EPB41: variants seen among roughly 807,000 people sequenced by gnomAD.
EPB41 encodes the protein protein 4.1.
A neutral mutation model predicts 108.0 loss-of-function variants in EPB41; 65 were observed. The observed-to-expected ratio is 0.60, with a 90% confidence interval of 0.49 to 0.74. The LOEUF is 0.74. EPB41 is among the 30% of genes least tolerant of loss of function. EPB41 has a pLI of 0.00. For synonymous variants in EPB41, 336 were observed against 358.9 expected, an observed-to-expected ratio of 0.94 and a Z score of 0.72; for missense variants, 875 against 1,037.0, an observed-to-expected ratio of 0.84 and a Z score of 2.15.
chr1:29,082,709 G>T (rs1657226845), intron 16 of EPB41, among the ~76,000 whole-genome samples: 1 of 152,134 alleles, frequency 6.6e-6, no homozygotes, highest in Admixed American at 6.5e-5. Flanking sequence ...GACCTCTGTA[G>T]ATCTATTCAG....
intron 16 of EPB41, chr1:29,070,132 G>T (rs1650618993): frequency 5.6e-6 from 2 of 357,314 alleles, no homozygotes; most frequent in Admixed American, 9.3e-5. Flanking sequence ...GTGATTCCTT[G>T]AACTTTCCGT....
At chr1:29,096,122 T>G in intron 16 of EPB41, 1 of 982,922 alleles carries the variant, frequency 1.0e-6, no homozygotes, top group Non-Finnish European at 1.2e-6. Flanking sequence ...ATACCTAATC[T>G]TCTTGCTTTT....
chr1:28,915,151 T>G (rs2092525942), intron 1 of EPB41, among the ~76,000 whole-genome samples: 1 of 152,130 alleles, frequency 6.6e-6, no homozygotes, highest in African/African-American at 2.4e-5. Flanking sequence ...GTGAAGGTGT[T>G]GCGTGCAGCC....
chr1:29,108,028 CAAA>C (rs1174568864), intron 17 of EPB41, among the ~76,000 whole-genome samples: 3 of 44,348 alleles, frequency 6.8e-5, no homozygotes, highest in Admixed American at 2.4e-4. Flanking sequence ...GACTCCATCT[CAAA>C]AAAAAAAAAA....
chr1:28,927,697 G>T (rs763023808), intron 1 of EPB41, among the ~76,000 whole-genome samples: 14 of 151,624 alleles, frequency 9.2e-5, no homozygotes, highest in African/African-American at 9.7e-5. Flanking sequence ...CCTCTTAAAT[G>T]ATTCTCTGGC....
chr1:29,007,743 A>G (rs910054890), intron 4 of EPB41, among the ~76,000 whole-genome samples: 1 of 152,038 alleles, frequency 6.6e-6, no homozygotes, highest in Admixed American at 6.6e-5. Context: ...TCTCACCACT[A>G]TAGTCTCTTC....
chr1:28,925,228 G>A (rs531906475), intron 1 of EPB41, among the ~76,000 whole-genome samples: 2 of 152,240 alleles, frequency 1.3e-5, no homozygotes, highest in South Asian at 4.1e-4. Context: ...CTCTCAAAAT[G>A]CTGGGATTAC....
intron 7 of EPB41, among the ~76,000 whole-genome samples, chr1:29,025,617 T>G (rs2096709024): frequency 6.6e-6 from 1 of 152,082 alleles, no homozygotes; most frequent in East Asian, 1.9e-4. Flanking sequence ...ATCTTTCAAA[T>G]ATATGTGTTG....
At chr1:28,889,278 G>A (rs1262200087) in intron 1 of EPB41, among the ~76,000 whole-genome samples, 1 of 152,240 alleles carries the variant, frequency 6.6e-6, no homozygotes, top group African/African-American at 2.4e-5. Context: ...GAGTGGGGAA[G>A]TCCTGAGGTT....
At chr1:28,917,268 A>G (rs201552552) in intron 1 of EPB41, among the ~76,000 whole-genome samples, 45 of 147,286 alleles carry the variant, frequency 3.1e-4, no homozygotes, top group Middle Eastern at 3.4e-3. Context: ...GTGTGTGTGT[A>G]TGTGTGTGTG....
chr1:28,989,028 G>T (rs987579927), intron 2 of EPB41, among the ~76,000 whole-genome samples: 23 of 152,178 alleles, frequency 1.5e-4, no homozygotes, highest in Admixed American at 3.3e-4. Context: ...GAACAGGACG[G>T]TTATCAGCAG....
chr1:29,118,514 A>G lies in EPB41; in HGVS notation c.*1702A>G, dbSNP rs1447217138. 1 of 152,264 alleles carries G rather than the reference A, an allele frequency of 6.6e-6. No homozygotes were observed. The highest frequency in any genetic ancestry group is 2.4e-5 in the African/African-American group (1 of 41,458). 9.4% of individuals were successfully genotyped at this position (152,264 alleles called of 1,614,324 possible). A position where few individuals can be genotyped will look rare whatever the true frequency, so the allele number is the denominator to read the frequency against. On this transcript the variant is annotated 3_prime_UTR_variant, in exon 21 of 21. Transcript: ENST00000343067. ...TCCCAGTTCCAGCTTCCTAAAATAG[A>G]CAGTGGGTATCGGGCAGCAGTCACT...
intron 16 of EPB41, chr1:29,097,560 T>C (rs190508126): frequency 1.1e-5 from 6 of 530,640 alleles, no homozygotes; most frequent in Admixed American, 6.2e-5. Context: ...TGTCTGCTCT[T>C]ACAGCTTTCC....
intron 4 of EPB41, among the ~76,000 whole-genome samples, chr1:28,999,030 C>G (rs186558273): frequency 4.6e-5 from 7 of 152,282 alleles, no homozygotes; most frequent in Admixed American, 2.6e-4. Context: ...AAACAATGCC[C>G]TCAAAACTAC....
chr1:28,968,575 C>G (rs1161033235), intron 1 of EPB41, among the ~76,000 whole-genome samples: 1 of 151,980 alleles, frequency 6.6e-6, no homozygotes, highest in Non-Finnish European at 1.5e-5. Context: ...TAGAAAAGAA[C>G]CTGACACTTA....
At chr1:29,052,251 C>G (rs12065644) in intron 11 of EPB41, among the ~76,000 whole-genome samples, 18,700 of 152,166 alleles carry the variant, frequency 0.12, 1,584 homozygotes, top group African/African-American at 0.25. Flanking sequence ...ACTTCAGCCT[C>G]TATGCACTGG....
At chr1:29,094,242 GTTTGTTTTTTGTTGTTGTTGTTTTCTTA>G (rs1662380735) in intron 16 of EPB41, among the ~76,000 whole-genome samples, 1 of 151,790 alleles carries the variant, frequency 6.6e-6, no homozygotes, top group African/African-American at 2.4e-5. Context: ...CCATGCTGGT[GTTTGTTTTTTGTTGTTGTTGTTTTCTTA>G]TTTTTTTTCT....
At chr1:28,924,542 A>G (rs930790417) in intron 1 of EPB41, among the ~76,000 whole-genome samples, 1 of 152,046 alleles carries the variant, frequency 6.6e-6, no homozygotes, top group Non-Finnish European at 1.5e-5. Context: ...AAAAAAAATA[A>G]AAAAGACCCC....
chr1:28,892,714 A>AC (rs1448186056), intron 1 of EPB41, among the ~76,000 whole-genome samples: 11 of 152,100 alleles, frequency 7.2e-5, no homozygotes, highest in Admixed American at 1.3e-4. Flanking sequence ...AAACAAACAA[A>AC]TAAACAAAAC....
Sources: gnomAD v4.1 joint callset for allele counts (sites outside exome capture counted in the v4.1 genomes callset) on GRCh38, gnomAD v4.1.1 for gene constraint, MANE v1.5 for transcripts, NCBI Gene and HGNC (gene_info 2026-07-23, HGNC 2026-07-21) for gene names.